ATG7: variants seen among roughly 807,000 people sequenced by gnomAD.
ATG7 encodes autophagy related 7.
Under a neutral mutation model 82.4 loss-of-function variants are expected in ATG7, and 70 were observed. The ratio of observed to expected loss-of-function variants is 0.85; its 90% confidence interval spans 0.70 to 1.04. The LOEUF (loss-of-function observed/expected upper bound fraction) is 1.04, where lower values mean the gene tolerates loss of function less well. Ranked by LOEUF, ATG7 falls within the 50% of genes least tolerant of loss-of-function variation. The pLI, the probability that ATG7 is intolerant of heterozygous loss-of-function variation, is 0.00. For missense variants in ATG7, 792 were observed against 864.3 expected (o/e 0.92, Z 1.05); for synonymous variants, 287 against 313.0 (o/e 0.92, Z 0.88).
intron 9 of ATG7, among the ~76,000 whole-genome samples, chr3:11,321,700 T>C (rs1411320406): frequency 6.6e-6 from 1 of 152,190 alleles, no homozygotes; most frequent in East Asian, 1.9e-4. Flanking sequence ...GGTCGAACCC[T>C]CTGAGCCTCA....
At chr3:11,549,616 C>T in intron 20 of ATG7, among the ~76,000 whole-genome samples, 1 of 152,314 alleles carries the variant, frequency 6.6e-6, no homozygotes, top group East Asian at 1.9e-4. Context: ...TGTACGGATA[C>T]ACCACAATTT....
At chr3:11,569,011 T>C in the ATG7 span, 2 of 957,894 alleles carry the variant, frequency 2.1e-6, no homozygotes, top group African/African-American at 3.5e-5. Flanking sequence ...GGACAGAGCT[T>C]TCTGAGTACT....
At chr3:11,279,308 C>T (rs955529162) in intron 1 of ATG7, among the ~76,000 whole-genome samples, 6 of 152,240 alleles carry the variant, frequency 3.9e-5, no homozygotes, top group African/African-American at 1.4e-4. Context: ...ATTGTTCCAT[C>T]CAGCATGCCA....
At chr3:11,500,680 T>G (rs911982327) in intron 20 of ATG7, among the ~76,000 whole-genome samples, 2 of 152,180 alleles carry the variant, frequency 1.3e-5, no homozygotes, top group East Asian at 3.9e-4. Flanking sequence ...GGAGTTTTGC[T>G]CTTGTTACCC....
chr3:11,525,801 G>T (rs754341721), intron 20 of ATG7, among the ~76,000 whole-genome samples: 1 of 151,864 alleles, frequency 6.6e-6, no homozygotes, highest in Non-Finnish European at 1.5e-5. Flanking sequence ...TGATCTGCCC[G>T]CCTCGGCCTC....
rs533940303 is a variant in ATG7 at position 11,289,374 on chromosome 3, A to G, written c.-11+6936A>G. Among the ~76,000 whole-genome samples, 9 of 152,194 alleles carry G rather than the reference A, an allele frequency of 5.9e-5. 1 individual carries two copies. In the South Asian group the frequency reaches 1.9e-3, roughly 32 times the overall value. ...CTGTAGTGATGTTACATAGACGTGT[A>G]TGTTCCTAAGTGATACCTTTACCAT... is the stretch of plus-strand genomic sequence containing the variant. On this transcript the variant is annotated intron_variant, in intron 3 of 20. Transcript: ENST00000693202.
At chr3:11,285,944 T>C (rs1943925340) in intron 3 of ATG7, among the ~76,000 whole-genome samples, 2 of 152,242 alleles carry the variant, frequency 1.3e-5, no homozygotes, top group Non-Finnish European at 2.9e-5. Flanking sequence ...CTTTGTGGTC[T>C]CTTTCAGTCT....
At chr3:11,283,800 C>T (rs183229118) in intron 3 of ATG7, among the ~76,000 whole-genome samples, 30 of 152,166 alleles carry the variant, frequency 2.0e-4, no homozygotes, top group African/African-American at 6.0e-4. Context: ...GGCATGGTGG[C>T]GCATGCCTGT....
chr3:11,469,343 G>T (rs889029055), intron 20 of ATG7, among the ~76,000 whole-genome samples: 1 of 152,144 alleles, frequency 6.6e-6, no homozygotes, highest in Non-Finnish European at 1.5e-5. Flanking sequence ...CAGCTACTTG[G>T]GGGGCTGAGG....
intron 20 of ATG7, among the ~76,000 whole-genome samples, chr3:11,553,460 C>A (rs2072031944): frequency 6.6e-6 from 1 of 152,126 alleles, no homozygotes; most frequent in Non-Finnish European, 1.5e-5. Context: ...CCACTCGGAC[C>A]ATCAGAACCC....
At chr3:11,489,749 A>G (rs1045563304) in intron 20 of ATG7, among the ~76,000 whole-genome samples, 1 of 150,292 alleles carries the variant, frequency 6.7e-6, no homozygotes, top group South Asian at 2.2e-4. Context: ...GTAGTCATTC[A>G]GGAGCAGGTT....
intron 14 of ATG7, among the ~76,000 whole-genome samples, chr3:11,353,739 C>A (rs1283523650): frequency 1.3e-5 from 2 of 152,200 alleles, no homozygotes; most frequent in African/African-American, 4.8e-5. Flanking sequence ...ATCTGATCCC[C>A]CTTCACCTTT....
chr3:11,568,522 G>C, the ATG7 span: 4 of 1,527,636 alleles, frequency 2.6e-6, no homozygotes, highest in Non-Finnish European at 3.6e-6. This position sits in a 1 kb window ranked among gnomAD's most constrained non-coding sequence, Gnocchi z 5.9. Context: ...TGGGCACTAT[G>C]GGTCAGACAA....
intron 20 of ATG7, among the ~76,000 whole-genome samples, chr3:11,553,080 C>T (rs529710228): frequency 5.9e-5 from 9 of 152,218 alleles, no homozygotes; most frequent in Non-Finnish European, 8.8e-5. Flanking sequence ...CAGGAGGTCC[C>T]GGAGGACACG....
the ATG7 span, among the ~76,000 whole-genome samples, chr3:11,575,936 C>T: frequency 6.6e-6 from 1 of 152,224 alleles, no homozygotes; most frequent in Admixed American, 6.5e-5. Context: ...GCCAGCAGCG[C>T]GGAGCCCGTC....
chr3:11,311,393 C>G (rs918703641), intron 7 of ATG7, among the ~76,000 whole-genome samples: 4 of 151,862 alleles, frequency 2.6e-5, no homozygotes, highest in Admixed American at 2.0e-4. Flanking sequence ...TGCCTGAGCT[C>G]AGGAGTTTGA....
the ATG7 span, among the ~76,000 whole-genome samples, chr3:11,575,739 G>C: frequency 6.6e-6 from 1 of 152,228 alleles, no homozygotes; most frequent in Non-Finnish European, 1.5e-5. Context: ...GGCCCAAAAA[G>C]CCAGGTGGCT....
At chr3:11,573,825 G>T in the ATG7 span, among the ~76,000 whole-genome samples, 1 of 152,182 alleles carries the variant, frequency 6.6e-6, no homozygotes, top group Non-Finnish European at 1.5e-5. Flanking sequence ...TAGGTTCTCT[G>T]AATGTGAGCT....
intron 20 of ATG7, among the ~76,000 whole-genome samples, chr3:11,522,740 C>T (rs1360206011): frequency 6.6e-6 from 1 of 152,148 alleles, no homozygotes; most frequent in Non-Finnish European, 1.5e-5. Flanking sequence ...TCAAGTAAAT[C>T]GTAACCTTCA....
Sources: allele counts gnomAD v4.1 joint callset (sites outside exome capture counted in the v4.1 genomes callset), GRCh38; gene constraint gnomAD v4.1.1; non-coding constraint Gnocchi (gnomAD v3.1); transcripts MANE v1.5; gene names NCBI Gene and HGNC (gene_info 2026-07-23, HGNC 2026-07-21).